SLC24A3: variants seen among roughly 807,000 people sequenced by gnomAD.
SLC24A3 encodes the protein sodium/potassium/calcium exchanger 3.
A neutral mutation model predicts 75.8 loss-of-function variants in SLC24A3; 28 were observed. That is an observed-to-expected ratio of 0.37 (90% CI 0.27 to 0.51). SLC24A3 has a LOEUF of 0.51. SLC24A3 is among the 20% of genes least tolerant of loss of function. The probability of loss-of-function intolerance (pLI) is 0.94; values close to 1 mark genes in which losing one functional copy is unlikely to be tolerated. For missense variants in SLC24A3, 663 were observed against 847.8 expected, an observed-to-expected ratio of 0.78 and a Z score of 2.71; for synonymous variants, 372 against 334.1, an observed-to-expected ratio of 1.11 and a Z score of -1.24.
chr20:19,707,586 T>C (rs2032944210), intron 15 of SLC24A3, among the ~76,000 whole-genome samples: 1 of 151,892 alleles, frequency 6.6e-6, no homozygotes, highest in Non-Finnish European at 1.5e-5. Context: ...GAGGCAAGAG[T>C]GGATGAGGGG....
At chr20:19,713,565 G>A (rs1307997972) in intron 15 of SLC24A3, among the ~76,000 whole-genome samples, 4 of 152,002 alleles carry the variant, frequency 2.6e-5, no homozygotes, top group Non-Finnish European at 4.4e-5. Context: ...TTTTAAGCAC[G>A]TGGTCTGTGC....
At chr20:19,645,710 C>A (rs1471107222) in intron 6 of SLC24A3, among the ~76,000 whole-genome samples, 1 of 152,158 alleles carries the variant, frequency 6.6e-6, no homozygotes, top group Non-Finnish European at 1.5e-5. Context: ...ACTATTTCAA[C>A]TAACAAGAAA....
At chr20:19,410,804 A>C (rs940253629) in intron 2 of SLC24A3, among the ~76,000 whole-genome samples, 3 of 152,238 alleles carry the variant, frequency 2.0e-5, no homozygotes, top group Non-Finnish European at 2.9e-5. Flanking sequence ...TCACCAATTC[A>C]TTCGTTTTCT....
chr20:19,571,935 G>A (rs2031058443), intron 3 of SLC24A3, among the ~76,000 whole-genome samples: 1 of 152,198 alleles, frequency 6.6e-6, no homozygotes, highest in South Asian at 2.1e-4. Context: ...TCTCTCAGAA[G>A]CAGACCTTGA....
At chr20:19,218,567 C>G (rs1320302689) in intron 1 of SLC24A3, among the ~76,000 whole-genome samples, 1 of 152,148 alleles carries the variant, frequency 6.6e-6, no homozygotes, top group Non-Finnish European at 1.5e-5. Flanking sequence ...GCTTTTCAAC[C>G]TTTTCTATTT....
chr20:19,325,795 TAGAGAGAGAGAGAG>T (rs745745496), intron 2 of SLC24A3, among the ~76,000 whole-genome samples: 27 of 67,794 alleles, frequency 4.0e-4, no homozygotes, highest in African/African-American at 1.2e-3. Flanking sequence ...TATATATATA[TAGAGAGAGAGAGAG>T]AGAGAGAGAG....
chr20:19,597,216 A>G (rs1160775191), intron 6 of SLC24A3, among the ~76,000 whole-genome samples: 3 of 151,988 alleles, frequency 2.0e-5, no homozygotes, highest in East Asian at 3.9e-4. Context: ...GTGAGACCCC[A>G]TTTCTAAAAA....
At chr20:19,443,882 A>G (rs527954658) in intron 2 of SLC24A3, among the ~76,000 whole-genome samples, 16 of 152,308 alleles carry the variant, frequency 1.1e-4, no homozygotes, top group Middle Eastern at 6.8e-3. Flanking sequence ...TTCTCTAGCC[A>G]TGGATAAGGC....
intron 2 of SLC24A3, among the ~76,000 whole-genome samples, chr20:19,409,366 G>T (rs1362713147): frequency 6.6e-6 from 1 of 152,148 alleles, no homozygotes; most frequent in South Asian, 2.1e-4. Flanking sequence ...ACACTGAAGG[G>T]TCTAGAGGCA....
intron 6 of SLC24A3, among the ~76,000 whole-genome samples, chr20:19,634,472 G>T (rs2031975325): frequency 6.6e-6 from 1 of 152,062 alleles, no homozygotes; most frequent in Admixed American, 6.6e-5. Context: ...GTCCCAAAAT[G>T]TTCATATCAG....
intron 1 of SLC24A3, among the ~76,000 whole-genome samples, chr20:19,224,455 A>G (rs373161020): frequency 5.9e-5 from 9 of 152,306 alleles, no homozygotes; most frequent in Admixed American, 2.0e-4. Flanking sequence ...GGTTTTCTCC[A>G]TGGATGCACT....
At chr20:19,616,551 G>A (rs1246966787) in intron 6 of SLC24A3, among the ~76,000 whole-genome samples, 2 of 152,124 alleles carry the variant, frequency 1.3e-5, no homozygotes, top group East Asian at 1.9e-4. Flanking sequence ...CATCTGAGAC[G>A]GCTAACCTAG....
chr20:19,511,447 C>T (rs1187893808), intron 2 of SLC24A3, among the ~76,000 whole-genome samples: 1 of 152,034 alleles, frequency 6.6e-6, no homozygotes, highest in African/African-American at 2.4e-5. Context: ...CCTGCCTCAG[C>T]CTCCCAGGTA....
intron 6 of SLC24A3, among the ~76,000 whole-genome samples, chr20:19,602,447 A>C (rs2031539288): frequency 6.6e-6 from 1 of 152,072 alleles, no homozygotes; most frequent in Non-Finnish European, 1.5e-5. Flanking sequence ...TGACTTCAGA[A>C]AAAACCCTCT....
intron 1 of SLC24A3, among the ~76,000 whole-genome samples, chr20:19,233,418 G>A (rs529887844): frequency 6.6e-6 from 1 of 152,340 alleles, no homozygotes; most frequent in African/African-American, 2.4e-5. Context: ...ACCCCTGCAG[G>A]CTTCTGGGGT....
At chr20:19,277,956 GGCC>G (rs1983535020) in intron 1 of SLC24A3, among the ~76,000 whole-genome samples, 3 of 152,210 alleles carry the variant, frequency 2.0e-5, no homozygotes, top group Middle Eastern at 3.2e-3. Flanking sequence ...ACAGTGGAAT[GGCC>G]ACGCTGCTGG....
chr20:19,218,672 A>T (rs1981627851), intron 1 of SLC24A3, among the ~76,000 whole-genome samples: 1 of 151,226 alleles, frequency 6.6e-6, no homozygotes, highest in Non-Finnish European at 1.5e-5. Flanking sequence ...TCCACTTGCA[A>T]GCCTCAAATC....
intron 8 of SLC24A3, among the ~76,000 whole-genome samples, chr20:19,669,383 T>A (rs1241373031): frequency 6.6e-6 from 1 of 151,960 alleles, no homozygotes; most frequent in East Asian, 1.9e-4. Context: ...ACACCTGTAG[T>A]CCCGGCTGCT....
chr20:19,399,554 A>C (rs58159979), intron 2 of SLC24A3, among the ~76,000 whole-genome samples: 1,524 of 152,310 alleles, frequency 0.01, 23 homozygotes, highest in African/African-American at 0.033. Context: ...AGATTTTTCA[A>C]TTATCCCTTT....
Sources: allele counts gnomAD v4.1 joint callset (sites outside exome capture counted in the v4.1 genomes callset), GRCh38; gene constraint gnomAD v4.1.1; transcripts MANE v1.5; gene names NCBI Gene and HGNC (gene_info 2026-07-23, HGNC 2026-07-21).